TENM3: variants seen among roughly 807,000 people sequenced by gnomAD.
TENM3 encodes teneurin-3.
Under a neutral mutation model 255.1 loss-of-function variants are expected in TENM3, and 63 were observed. The observed-to-expected ratio is 0.25, with a 90% confidence interval of 0.20 to 0.30. The LOEUF (loss-of-function observed/expected upper bound fraction) is 0.30. Ranked by LOEUF, TENM3 falls within the 10% of genes least tolerant of loss-of-function variation. TENM3 has a pLI of 1.00. For missense variants in TENM3, 2,929 were observed against 3,461.1 expected (o/e 0.85, Z 3.86); for synonymous variants, 1,306 against 1,322.3 (o/e 0.99, Z 0.27).
At chr4:181,448,023 G>C in the TENM3 span, among the ~76,000 whole-genome samples, 1 of 151,956 alleles carries the variant, frequency 6.6e-6, no homozygotes, top group Admixed American at 6.6e-5. Flanking sequence ...CTCGCAAGCA[G>C]AGAGAGACGG....
At chr4:181,625,835 C>CAAT in the TENM3 span, among the ~76,000 whole-genome samples, 11 of 133,114 alleles carry the variant, frequency 8.3e-5, no homozygotes, top group Middle Eastern at 3.8e-3. Context: ...ATAATAATAA[C>CAAT]AATAATAATA....
At chr4:181,958,004 T>C in the TENM3 span, among the ~76,000 whole-genome samples, 2 of 152,210 alleles carry the variant, frequency 1.3e-5, no homozygotes, top group Non-Finnish European at 2.9e-5. Flanking sequence ...TCCTATCATA[T>C]TATGAAGTCT....
chr4:181,503,905 C>T, the TENM3 span, among the ~76,000 whole-genome samples: 1 of 152,280 alleles, frequency 6.6e-6, no homozygotes, highest in African/African-American at 2.4e-5. Flanking sequence ...AGAAACCACC[C>T]CTTCCATGGC....
intron 3 of TENM3, among the ~76,000 whole-genome samples, chr4:182,595,961 T>C (rs1747177741): frequency 6.6e-6 from 1 of 151,974 alleles, no homozygotes; most frequent in South Asian, 2.1e-4. Context: ...ATTTTAAATA[T>C]CAGAACATTT....
intron 4 of TENM3, among the ~76,000 whole-genome samples, chr4:182,627,530 A>G (rs1372817900): frequency 9.6e-6 from 1 of 103,998 alleles, no homozygotes; most frequent in Non-Finnish European, 2.1e-5. Flanking sequence ...TAAAGACTGT[A>G]CCATATCAGA....
chr4:181,947,474 C>T, the TENM3 span, among the ~76,000 whole-genome samples: 1 of 152,088 alleles, frequency 6.6e-6, no homozygotes, highest in Non-Finnish European at 1.5e-5. Context: ...TCTATTCTTC[C>T]CGTTTACTCT....
At chr4:182,755,280 C>T in intron 22 of TENM3, 21 bp downstream of exon 22, 1 of 1,539,774 alleles carries the variant, frequency 6.5e-7, no homozygotes, top group Non-Finnish European at 8.7e-7. Context: ...GAAAATTCTA[C>T]TCTGATTATA....
At chr4:182,665,383 A>T (rs1248953560) in intron 6 of TENM3, among the ~76,000 whole-genome samples, 5 of 152,188 alleles carry the variant, frequency 3.3e-5, no homozygotes, top group Non-Finnish European at 7.3e-5. Flanking sequence ...TTGACAATGT[A>T]CCTAGTCCCC....
At chr4:181,616,783 G>T in the TENM3 span, among the ~76,000 whole-genome samples, 1 of 152,226 alleles carries the variant, frequency 6.6e-6, no homozygotes, top group African/African-American at 2.4e-5. Flanking sequence ...CTCCAGAAAT[G>T]AGAGAGTAAA....
rs561092781 is a variant in TENM3, at chr4:182,212,135, T to C, written c.-76+67381T>C. ...GTTTATGAAGAGAAGAGTAAATGCA[T>C]AGGGATTCCATTATCTCTTTCCTAT... On this transcript the variant is annotated intron_variant, in intron 1 of 2. Transcript: ENST00000512480. Among the ~76,000 whole-genome samples, 4 of 152,322 alleles carry C rather than the reference T, an allele frequency of 2.6e-5. No individual in the cohort carries two copies. In the South Asian group the frequency reaches 6.2e-4, roughly 24 times the overall value.
At chr4:182,565,611 C>CT (rs1425592690) in intron 3 of TENM3, among the ~76,000 whole-genome samples, 2 of 152,146 alleles carry the variant, frequency 1.3e-5, no homozygotes, top group Non-Finnish European at 2.9e-5. Flanking sequence ...TGTTTTCAAA[C>CT]TTTCTATCTT....
chr4:182,716,827 T>C (rs1561150839), intron 13 of TENM3, among the ~76,000 whole-genome samples: 1 of 152,234 alleles, frequency 6.6e-6, no homozygotes, highest in African/African-American at 2.4e-5. Flanking sequence ...TGTAGTGTTA[T>C]AGATCCATTG....
the TENM3 span, among the ~76,000 whole-genome samples, chr4:181,907,069 A>C: frequency 6.6e-6 from 1 of 151,992 alleles, no homozygotes; most frequent in African/African-American, 2.4e-5. Flanking sequence ...TATTTTTAGT[A>C]AAGTTGGGGT....
chr4:182,085,242 A>G, the TENM3 span: 1 of 152,156 alleles, frequency 6.6e-6, no homozygotes, highest in Non-Finnish European at 1.5e-5. Flanking sequence ...AACTCCAGAC[A>G]TTTGTCATCC....
the TENM3 span, among the ~76,000 whole-genome samples, chr4:181,626,330 T>C: frequency 1.3e-5 from 2 of 152,276 alleles, no homozygotes; most frequent in East Asian, 1.9e-4. Flanking sequence ...GGAAGGTGGA[T>C]AGGGACTGTG....
chr4:181,611,679 C>T, the TENM3 span, among the ~76,000 whole-genome samples: 593 of 152,250 alleles, frequency 3.9e-3, 7 homozygotes, highest in African/African-American at 0.014. Context: ...AGGCATTTGA[C>T]AATTATAGAG....
chr4:182,410,525 G>GAT (rs1424059049), intron 3 of TENM3, among the ~76,000 whole-genome samples: 3 of 152,306 alleles, frequency 2.0e-5, no homozygotes, highest in African/African-American at 7.2e-5. Flanking sequence ...CTGCCACACA[G>GAT]ATTTTTATAA....
intron 3 of TENM3, among the ~76,000 whole-genome samples, chr4:182,595,907 T>C (rs1270844528): frequency 6.6e-6 from 1 of 150,986 alleles, no homozygotes; most frequent in East Asian, 1.9e-4. Flanking sequence ...ATATATTATA[T>C]ATTTTATATG....
the TENM3 span, among the ~76,000 whole-genome samples, chr4:181,495,305 C>T: frequency 6.6e-6 from 1 of 152,084 alleles, no homozygotes; most frequent in Non-Finnish European, 1.5e-5. Context: ...GAAATCAGCA[C>T]CTCAGGCATC....
Sources: gnomAD v4.1 joint callset for allele counts (sites outside exome capture counted in the v4.1 genomes callset) on GRCh38, gnomAD v4.1.1 for gene constraint, MANE v1.5 for transcripts, NCBI Gene and HGNC (gene_info 2026-07-23, HGNC 2026-07-21) for gene names.